The following DLG2 variants were observed in gnomAD, a reference collection of about 807,000 sequenced individuals.
DLG2 encodes discs large MAGUK scaffold protein 2, also known as disks large homolog 2.
Under a neutral mutation model 132.5 loss-of-function variants are expected in DLG2, and 45 were observed. That is an observed-to-expected ratio of 0.34 (90% CI 0.27 to 0.44). The LOEUF is 0.44. Among genes scored for constraint, DLG2 ranks in the 20% least tolerant of loss-of-function variants. The pLI, the probability that DLG2 is intolerant of heterozygous loss-of-function variation, is 1.00. For synonymous variants in DLG2, 424 were observed against 419.6 expected, an observed-to-expected ratio of 1.01 and a Z score of -0.13; for missense variants, 1,045 against 1,196.9, an observed-to-expected ratio of 0.87 and a Z score of 1.87.
At chr11:83,881,468 G>A (rs1042429690) in intron 15 of DLG2, among the ~76,000 whole-genome samples, 1 of 152,008 alleles carries the variant, frequency 6.6e-6, no homozygotes, top group African/African-American at 2.4e-5. Context: ...AAGATGTGTT[G>A]GCCATTATAG....
intron 6 of DLG2, among the ~76,000 whole-genome samples, chr11:85,104,199 T>G (rs1250492442): frequency 6.6e-6 from 1 of 151,874 alleles, no homozygotes; most frequent in African/African-American, 2.4e-5. Context: ...CCCAGAAATT[T>G]CATTCCTAGG....
chr11:85,437,706 C>T (rs1293210494), intron 3 of DLG2, among the ~76,000 whole-genome samples: 3 of 151,664 alleles, frequency 2.0e-5, no homozygotes, highest in Non-Finnish European at 4.4e-5. Context: ...TTAACTAGTG[C>T]CAAAATTTTT....
At chr11:84,512,925 G>A (rs1046353942) in intron 7 of DLG2, among the ~76,000 whole-genome samples, 10 of 152,034 alleles carry the variant, frequency 6.6e-5, no homozygotes, top group Non-Finnish European at 1.2e-4. Flanking sequence ...CTCATAAGTG[G>A]GAGTTGAATG....
chr11:83,821,483 T>G (rs189320821), intron 17 of DLG2, among the ~76,000 whole-genome samples: 2 of 152,310 alleles, frequency 1.3e-5, no homozygotes, highest in Admixed American at 1.3e-4. Flanking sequence ...AGTAGTTGTT[T>G]CTTTTTATCA....
intron 9 of DLG2, among the ~76,000 whole-genome samples, chr11:84,146,908 T>C (rs925815320): frequency 7.9e-5 from 12 of 152,168 alleles, no homozygotes; most frequent in Admixed American, 6.6e-4. Context: ...CTCCAGTCTC[T>C]AGCTTTCTCT....
At chr11:84,895,369 T>G (rs2090051563) in intron 6 of DLG2, among the ~76,000 whole-genome samples, 1 of 152,118 alleles carries the variant, frequency 6.6e-6, no homozygotes, top group South Asian at 2.1e-4. Context: ...GTAACCTGTT[T>G]CACTGTGATT....
chr11:85,083,219 T>C (rs2067473324), intron 6 of DLG2, among the ~76,000 whole-genome samples: 1 of 152,040 alleles, frequency 6.6e-6, no homozygotes, highest in Non-Finnish European at 1.5e-5. Flanking sequence ...AAACCTTAGA[T>C]CTCAACCAAA....
intron 16 of DLG2, among the ~76,000 whole-genome samples, chr11:83,861,411 A>G (rs929140792): frequency 1.3e-5 from 2 of 152,218 alleles, no homozygotes; most frequent in African/African-American, 4.8e-5. Context: ...TCAGCATATC[A>G]AAGAGATATC....
At chr11:85,423,682 G>A (rs1458530423) in intron 3 of DLG2, among the ~76,000 whole-genome samples, 1 of 152,074 alleles carries the variant, frequency 6.6e-6, no homozygotes, top group Non-Finnish European at 1.5e-5. Context: ...TGTCTCTACT[G>A]TGCTATGCAG....
At chr11:85,062,601 CAAAG>C (rs2154160658) in intron 6 of DLG2, among the ~76,000 whole-genome samples, 1 of 150,162 alleles carries the variant, frequency 6.7e-6, no homozygotes, top group Admixed American at 6.7e-5. Flanking sequence ...CTTGTTAGGG[CAAAG>C]AAAGACTTTT....
At chr11:85,086,264 T>C (rs983939787) in intron 6 of DLG2, among the ~76,000 whole-genome samples, 2 of 152,172 alleles carry the variant, frequency 1.3e-5, no homozygotes, top group African/African-American at 4.8e-5. Context: ...GAGTCAAAGT[T>C]ACTTATCCAA....
At chr11:84,831,540 T>C (rs2079054721) in intron 6 of DLG2, among the ~76,000 whole-genome samples, 1 of 151,630 alleles carries the variant, frequency 6.6e-6, no homozygotes, top group Admixed American at 6.6e-5. Flanking sequence ...ATAAACTGAC[T>C]TCAAAACTTA....
chr11:84,950,465 C>T (rs2050772752), intron 6 of DLG2, among the ~76,000 whole-genome samples: 1 of 152,138 alleles, frequency 6.6e-6, no homozygotes, highest in Admixed American at 6.5e-5. Context: ...GACAAATAGA[C>T]TTCCTGAAAG....
At chr11:85,231,183 A>C (rs1211219007) in intron 4 of DLG2, among the ~76,000 whole-genome samples, 2 of 151,934 alleles carry the variant, frequency 1.3e-5, no homozygotes, top group African/African-American at 4.8e-5. Flanking sequence ...GGGACTGCAA[A>C]TATACATCTA....
At chr11:83,812,409 T>G (rs2047550284) in intron 17 of DLG2, among the ~76,000 whole-genome samples, 1 of 152,128 alleles carries the variant, frequency 6.6e-6, no homozygotes. Flanking sequence ...ATCTACAATG[T>G]GCCAGGGGCT....
intron 10 of DLG2, among the ~76,000 whole-genome samples, chr11:84,075,564 G>A (rs2096818952): frequency 6.6e-6 from 1 of 152,158 alleles, no homozygotes; most frequent in South Asian, 2.1e-4. Context: ...CTAGCTTGAA[G>A]AACTTCTTAA....
intron 6 of DLG2, among the ~76,000 whole-genome samples, chr11:84,736,017 T>C (rs1320213996): frequency 1.3e-5 from 2 of 152,036 alleles, no homozygotes; most frequent in Middle Eastern, 3.2e-3. Flanking sequence ...TTATTTCTTC[T>C]AGAGGTTTTG....
At chr11:84,922,839 A>C (rs2092820133) in intron 6 of DLG2, among the ~76,000 whole-genome samples, 2 of 133,896 alleles carry the variant, frequency 1.5e-5, no homozygotes, top group East Asian at 2.6e-4. Context: ...CCCCCCAACT[A>C]TGAGCGTGAA....
At chr11:83,827,487 T>TA (rs2053209186) in intron 17 of DLG2, among the ~76,000 whole-genome samples, 1 of 152,174 alleles carries the variant, frequency 6.6e-6, no homozygotes, top group Admixed American at 6.5e-5. Context: ...GGAAATCCAG[T>TA]TACCTATTAT....
Sources: allele counts gnomAD v4.1 joint callset (sites outside exome capture counted in the v4.1 genomes callset), GRCh38; gene constraint gnomAD v4.1.1; transcripts MANE v1.5; gene names NCBI Gene and HGNC (gene_info 2026-07-23, HGNC 2026-07-21).